SSH1: variants seen among roughly 807,000 people sequenced by gnomAD.
SSH1 encodes the protein protein phosphatase Slingshot homolog 1.
SSH1 carries 43 observed loss-of-function variants against 79.7 expected under a neutral mutation model. The observed-to-expected ratio is 0.54, with a 90% CI of 0.42 to 0.70. SSH1 has a LOEUF of 0.70. SSH1 is among the 30% of genes least tolerant of loss of function. SSH1 has a pLI of 0.00. For missense variants in SSH1, 1,206 were observed against 1,358.8 expected, an observed-to-expected ratio of 0.89 and a Z score of 1.77; for synonymous variants, 599 against 538.3, an observed-to-expected ratio of 1.11 and a Z score of -1.56.
chr12:108,795,428 T>A (rs1020312061), intron 13 of SSH1, among the ~76,000 whole-genome samples: 2 of 152,096 alleles, frequency 1.3e-5, no homozygotes, highest in Admixed American at 1.3e-4. Flanking sequence ...TTTTTTTGTA[T>A]ATTTTTAGAA....
chr12:108,797,067 C>T (rs2036783228), intron 13 of SSH1, among the ~76,000 whole-genome samples: 1 of 152,162 alleles, frequency 6.6e-6, no homozygotes, highest in Non-Finnish European at 1.5e-5. Context: ...AACCACCATA[C>T]TGTTTTCCAC....
chr12:108,841,249 G>C (rs982566280), intron 2 of SSH1, among the ~76,000 whole-genome samples: 1 of 152,204 alleles, frequency 6.6e-6, no homozygotes, highest in African/African-American at 2.4e-5. Flanking sequence ...TACGAGCTGA[G>C]CTTGCACGCA....
At chr12:108,845,166 A>C (rs1420232684) in intron 2 of SSH1, among the ~76,000 whole-genome samples, 2 of 149,164 alleles carry the variant, frequency 1.3e-5, no homozygotes, top group Admixed American at 1.3e-4. Context: ...CCGAGATCGC[A>C]CCACTGCACT....
chr12:108,826,304 C>A, intron 2 of SSH1: 1 of 371,708 alleles, frequency 2.7e-6, no homozygotes, highest in Middle Eastern at 5.6e-4. Flanking sequence ...TGATAAGAAT[C>A]AGGGACTCCT....
At chr12:108,850,765 G>A (rs2039020678) in intron 2 of SSH1, among the ~76,000 whole-genome samples, 1 of 133,450 alleles carries the variant, frequency 7.5e-6, no homozygotes, top group African/African-American at 2.9e-5. Context: ...GGAGTCGGGG[G>A]AGGGGAACCT....
intron 10 of SSH1, 132 bp from the exon 11 acceptor site, chr12:108,802,500 G>A: frequency 1.3e-6 from 1 of 762,306 alleles, no homozygotes; most frequent in South Asian, 1.4e-5. Context: ...AGAGAACAGA[G>A]AGAACCAGCG....
intron 2 of SSH1, among the ~76,000 whole-genome samples, chr12:108,848,707 G>A (rs2038955014): frequency 6.6e-6 from 1 of 152,232 alleles, no homozygotes; most frequent in African/African-American, 2.4e-5. Flanking sequence ...AAAGGTGAGT[G>A]TGACGTCAAG....
rs757869650 is a variant in SSH1 at position 108,811,243 on chromosome 12, T to C, written c.470+17A>G. 3.1e-6 allele frequency: 5 copies of C among 1,613,528 alleles called. No individual in the cohort carries two copies. The highest frequency in any genetic ancestry group is 4.2e-6 in the Non-Finnish European group (5 of 1,179,506). On this transcript the variant is annotated intron_variant, in intron 6 of 14. Coordinates refer to ENST00000326495, the MANE Select transcript of SSH1 (RefSeq NM_018984.4). Reference sequence around the variant, plus strand: ...TACTACATACAGTGAGAGAATCTTTTAAAGAGACCTCCTTACCCATCTCCA... The same window carrying C: ...TACTACATACAGTGAGAGAATCTTTCAAAGAGACCTCCTTACCCATCTCCA...
chr12:108,806,257 G>T, intron 9 of SSH1, 44 bp downstream of exon 9: 1 of 1,545,212 alleles, frequency 6.5e-7, no homozygotes, highest in Non-Finnish European at 9.0e-7. Context: ...ACACATGGAG[G>T]CTGCATGACC....
intron 1 of SSH1, among the ~76,000 whole-genome samples, chr12:108,854,659 G>A (rs577829339): frequency 6.6e-6 from 1 of 152,248 alleles, no homozygotes; most frequent in Non-Finnish European, 1.5e-5. Flanking sequence ...TTGGGGGTAC[G>A]GACTTCACAA....
At chr12:108,844,105 G>C (rs947014175) in intron 2 of SSH1, among the ~76,000 whole-genome samples, 1 of 152,012 alleles carries the variant, frequency 6.6e-6, no homozygotes, top group Non-Finnish European at 1.5e-5. Flanking sequence ...GAAGGGGTTC[G>C]CATCATGAGC....
At chr12:108,799,734 A>C (rs1400295234) in intron 12 of SSH1, among the ~76,000 whole-genome samples, 1 of 152,200 alleles carries the variant, frequency 6.6e-6, no homozygotes, top group Non-Finnish European at 1.5e-5. Context: ...AGCAGGAGTA[A>C]GGGCGGCCGC....
At chr12:108,855,428 G>T (rs1387085938) in intron 1 of SSH1, among the ~76,000 whole-genome samples, 1 of 152,180 alleles carries the variant, frequency 6.6e-6, no homozygotes, top group Admixed American at 6.5e-5. Flanking sequence ...GATGGTGGTG[G>T]TTGCACAATC....
In SSH1 at chr12:108,784,715, C is replaced by T. The variant is rs566517936; in HGVS notation, c.*3273G>A. 1.3e-5 allele frequency: 2 copies of T among 152,258 alleles called. No individual in the cohort carries two copies. Among genetic ancestry groups the T allele is most frequent in the South Asian group, 4.1e-4 (2 of 4,820 alleles). The allele number at this position is 152,258 out of a possible 1,614,324, so 9.4% of individuals were successfully genotyped here. On this transcript the variant is annotated 3_prime_UTR_variant, in exon 15 of 15. Transcript: ENST00000326495. ...TAGCAAGACTTAAAGAGAAGACTTTCCTGTATCAATGCAAGGTGAAGATGT... is the reference window on the plus strand; with the variant it reads ...TAGCAAGACTTAAAGAGAAGACTTTTCTGTATCAATGCAAGGTGAAGATGT...
At chr12:108,809,643 G>T in intron 7 of SSH1, 50 bp downstream of exon 7, 2 of 1,515,728 alleles carry the variant, frequency 1.3e-6, no homozygotes, top group South Asian at 1.1e-5. Flanking sequence ...TCATGCTGTC[G>T]GCTAAGAAAA....
At chr12:108,843,800 G>A (rs1197066361) in intron 2 of SSH1, among the ~76,000 whole-genome samples, 1 of 152,184 alleles carries the variant, frequency 6.6e-6, no homozygotes, top group African/African-American at 2.4e-5. Context: ...CTCCCAAAGT[G>A]CTAGGATTAC....
At chr12:108,855,472 C>T (rs1017200299) in intron 1 of SSH1, among the ~76,000 whole-genome samples, 4 of 152,072 alleles carry the variant, frequency 2.6e-5, no homozygotes, top group African/African-American at 7.2e-5. Flanking sequence ...GAATTGTACA[C>T]TTTAAAATGG....
chr12:108,807,925 A>C lies in SSH1; in HGVS notation c.537-98T>G. 9.4e-7 allele frequency: 1 copy of C among 1,064,620 alleles called. No individual in the cohort carries two copies. The highest frequency in any genetic ancestry group is 1.4e-6 in the Non-Finnish European group (1 of 703,834). The allele number at this position is 1,064,620 out of a possible 1,614,324, so 65.9% of individuals were successfully genotyped here. On this transcript the variant is annotated intron_variant, in intron 7 of 14. Transcript: ENST00000326495. This position sits in a 1 kb window ranked among gnomAD's most constrained non-coding sequence, Gnocchi z 5.2. ...GGTTCAAATACGGGAAGGGAAGGGC[A>C]ATGATTGATTGGTTGATTATTTCTT...
At chr12:108,800,679 C>T (rs983251309) in intron 12 of SSH1, 101 bp downstream of exon 12, 22 of 1,413,808 alleles carry the variant, frequency 1.6e-5, no homozygotes, top group Non-Finnish European at 2.0e-5. Context: ...AGGATCCCCC[C>T]TCCCACCAGC....
Sources: allele counts gnomAD v4.1 joint callset (sites outside exome capture counted in the v4.1 genomes callset), GRCh38; gene constraint gnomAD v4.1.1; non-coding constraint Gnocchi (gnomAD v3.1); transcripts MANE v1.5; gene names NCBI Gene and HGNC (gene_info 2026-07-23, HGNC 2026-07-21).